Variants in F8 observed in about 807,000 individuals in gnomAD.
The protein encoded by F8 is antihemophilic factor.
Under a neutral mutation model 140.6 loss-of-function variants are expected in F8, and 12 were observed. The observed-to-expected ratio is 0.09, with a 90% CI of 0.05 to 0.14. The LOEUF is 0.14. Ranked by LOEUF, F8 falls within the 10% of genes least tolerant of loss-of-function variation. The pLI, the probability that F8 is intolerant of heterozygous loss-of-function variation, is 1.00. For synonymous variants in F8, 585 were observed against 614.6 expected, an observed-to-expected ratio of 0.95 and a Z score of 0.71; for missense variants, 1,354 against 1,720.7, an observed-to-expected ratio of 0.79 and a Z score of 3.77.
At chrX:155,017,610 A>G (rs1286422042) in intron 1 of F8, among the ~76,000 whole-genome samples, 1 of 112,423 alleles carries the variant, frequency 8.9e-6, no homozygotes, top group African/African-American at 3.2e-5. Context: ...CTTACATCAA[A>G]ACATTATCTT....
chrX:154,971,972 T>C (rs782040785), intron 6 of F8, among the ~76,000 whole-genome samples: 6 of 112,675 alleles, frequency 5.3e-5, no homozygotes, highest in Non-Finnish European at 9.4e-5. Context: ...TTGTGAATAA[T>C]GCTGTCATAA....
At chrX:154,944,041 C>T (rs376054624) in intron 13 of F8, among the ~76,000 whole-genome samples, 5 of 111,675 alleles carry the variant, frequency 4.5e-5, no homozygotes, top group African/African-American at 1.6e-4. Flanking sequence ...AAGACTTAAA[C>T]GTTAGACCTA....
chrX:154,899,612 AC>A lies in F8; in HGVS notation c.6273+253del, dbSNP rs782606135. 4.7e-4 allele frequency among the ~76,000 whole-genome samples: 53 copies of A among 111,689 alleles called. 1 individual carries two copies. In the East Asian group the frequency reaches 5.3e-3, roughly 11 times the overall value. On this transcript the variant is annotated intron_variant, in intron 21 of 25. Coordinates refer to ENST00000360256, the MANE Select transcript of F8 (RefSeq NM_000132.4). ...ATAACATATACTGTCTTGAGAGATG[AC>A]GAGTTCAATATTATAGAAAATATTC...
intron 21 of F8, among the ~76,000 whole-genome samples, 188 bp downstream of exon 21, chrX:154,899,678 C>T (rs1228576388): frequency 8.9e-6 from 1 of 111,834 alleles, no homozygotes; most frequent in African/African-American, 3.3e-5. Flanking sequence ...AATACAGAAA[C>T]AGGACATATC....
At chrX:154,980,308 T>C (rs1319015807) in intron 6 of F8, among the ~76,000 whole-genome samples, 3 of 112,178 alleles carry the variant, frequency 2.7e-5, no homozygotes, top group Non-Finnish European at 5.6e-5. Context: ...GTATTGCATG[T>C]GTCATTTTTT....
chrX:154,985,922 T>G (rs1438140434), intron 5 of F8, among the ~76,000 whole-genome samples: 1 of 111,355 alleles, frequency 9.0e-6, no homozygotes, highest in Non-Finnish European at 1.9e-5. Flanking sequence ...AGATATGAGA[T>G]CAAAGAAGAT....
chrX:154,863,931 A>T (rs781828092), intron 22 of F8, among the ~76,000 whole-genome samples: 2 of 111,477 alleles, frequency 1.8e-5, no homozygotes, highest in South Asian at 7.6e-4. Flanking sequence ...AACCCCAGTA[A>T]CAGGGCTCCC....
intron 4 of F8, 82 bp downstream of exon 4, chrX:154,992,853 CA>C: frequency 1.1e-6 from 1 of 952,323 alleles, no homozygotes; most frequent in Non-Finnish European, 1.5e-6. Context: ...TGAAGGAACA[CA>C]AATGCTAACT....
chrX:154,955,739 T>C (rs1167559383), intron 11 of F8, among the ~76,000 whole-genome samples: 1 of 111,094 alleles, frequency 9.0e-6, no homozygotes, highest in Non-Finnish European at 1.9e-5. Flanking sequence ...AAAGATCACA[T>C]GATTCAAAGG....
chrX:155,015,747 G>A (rs2073731011), intron 1 of F8, among the ~76,000 whole-genome samples: 1 of 111,853 alleles, frequency 8.9e-6, no homozygotes, highest in African/African-American at 3.3e-5. Flanking sequence ...TCATTCATTC[G>A]TAACCCAAAC....
intron 25 of F8, among the ~76,000 whole-genome samples, chrX:154,850,366 G>T (rs2072605604): frequency 9.1e-6 from 1 of 110,230 alleles, no homozygotes; most frequent in African/African-American, 3.3e-5. Flanking sequence ...GACCTCAGAT[G>T]ATCTTCCTGC....
intron 12 of F8, among the ~76,000 whole-genome samples, chrX:154,949,286 G>T (rs1385622726): frequency 9.0e-6 from 1 of 111,706 alleles, no homozygotes; most frequent in African/African-American, 3.3e-5. Context: ...TATAGCAGCT[G>T]AACTTCCATC....
chrX:154,942,342 C>T (rs1316776169), intron 13 of F8, among the ~76,000 whole-genome samples: 1 of 110,465 alleles, frequency 9.1e-6, no homozygotes, highest in African/African-American at 3.3e-5. Flanking sequence ...GATATCACCA[C>T]CAATCCCACA....
At chrX:154,976,081 A>C (rs1557282956) in intron 6 of F8, among the ~76,000 whole-genome samples, 1 of 110,814 alleles carries the variant, frequency 9.0e-6, no homozygotes, top group African/African-American at 3.3e-5. Flanking sequence ...TTTTTAGTAG[A>C]GATGGAGTTT....
intron 13 of F8, among the ~76,000 whole-genome samples, chrX:154,934,017 T>C (rs1557279047): frequency 8.9e-6 from 1 of 111,883 alleles, no homozygotes; most frequent in African/African-American, 3.3e-5. Flanking sequence ...CTGATGTAGA[T>C]GGTCACCCAC....
chrX:154,914,595 A>C (rs2073085606), intron 14 of F8, among the ~76,000 whole-genome samples: 1 of 112,230 alleles, frequency 8.9e-6, no homozygotes, highest in African/African-American at 3.2e-5. Flanking sequence ...CTCTTTGCTA[A>C]AGCATAGCAA....
In F8 at chrX:154,906,451, T is replaced by C; in HGVS notation, c.5342A>G (p.Tyr1781Cys). 1 of 1,210,456 alleles carries C rather than the reference T, an allele frequency of 8.3e-7. No homozygotes were observed. The highest frequency in any genetic ancestry group is 1.8e-5 in the South Asian group (1 of 56,927). ...LNEHLGLLGP[Y>C]IRAEVEDNIM... ...ATTATCTTCAACTTCTGCTCTTATA[T>C]ATGGCCCCAGGAGTCCCAAATGTTC... The change falls in exon 15 of 26, where the codon TAT becomes TGT. Residue 1781 changes from tyrosine to cysteine, a missense_variant. Transcript: ENST00000360256.
intron 7 of F8, among the ~76,000 whole-genome samples, chrX:154,967,455 T>G (rs1297021824): frequency 3.6e-5 from 4 of 111,779 alleles, no homozygotes; most frequent in Non-Finnish European, 7.5e-5. Flanking sequence ...GAAGATCAAA[T>G]ACTTCTAAGA....
At chrX:154,863,583 CAGG>C (rs28370246) in intron 22 of F8, among the ~76,000 whole-genome samples, 2,561 of 111,276 alleles carry the variant, frequency 0.023, 23 homozygotes, top group Middle Eastern at 0.037. Context: ...AATGCAGCAT[CAGG>C]AGAACGGTAT....
Sources: allele counts gnomAD v4.1 joint callset (sites outside exome capture counted in the v4.1 genomes callset), GRCh38; gene constraint gnomAD v4.1.1; transcripts MANE v1.5; gene names NCBI Gene and HGNC (gene_info 2026-07-23, HGNC 2026-07-21).